The following PEMT variants were observed in gnomAD, a reference collection of about 807,000 sequenced individuals.
PEMT encodes the protein phospholipid methyltransferase.
In PEMT, 23 loss-of-function variants were observed where a neutral mutation model predicts 27.4. The observed-to-expected ratio is 0.84, with a 90% confidence interval of 0.60 to 1.19. PEMT has a LOEUF of 1.19. Ranked by LOEUF, PEMT falls within the 50% of genes most tolerant of loss-of-function variation. The probability of loss-of-function intolerance (pLI) is 0.00; values close to 1 mark genes in which losing one functional copy is unlikely to be tolerated. For synonymous variants in PEMT, 137 were observed against 139.1 expected (o/e 0.98, Z 0.11); for missense variants, 307 against 310.1 (o/e 0.99, Z 0.07).
upstream of PEMT, chr17:17,591,988 G>A (rs1215139312): frequency 1.0e-6 from 1 of 985,350 alleles, no homozygotes; most frequent in East Asian, 1.1e-4. Flanking sequence ...GCCCTTGCCT[G>A]GCGGCGGTGG....
At chr17:17,528,465 G>T (rs1907854119) in intron 2 of PEMT, among the ~76,000 whole-genome samples, 1 of 152,356 alleles carries the variant, frequency 6.6e-6, no homozygotes, top group African/African-American at 2.4e-5. Flanking sequence ...TGGAATGATG[G>T]ATACATCAGC....
intron 2 of PEMT, among the ~76,000 whole-genome samples, chr17:17,529,912 T>C (rs1262008344): frequency 6.6e-6 from 1 of 152,206 alleles, no homozygotes; most frequent in South Asian, 2.1e-4. Flanking sequence ...GAAGGGCTCC[T>C]TGTAGAAAGG....
intron 2 of PEMT, among the ~76,000 whole-genome samples, chr17:17,549,852 G>A (rs751916026): frequency 3.9e-5 from 6 of 152,184 alleles, no homozygotes; most frequent in Non-Finnish European, 8.8e-5. Flanking sequence ...CGGGAGGCAC[G>A]TCCTCGTCTG....
intron 2 of PEMT, among the ~76,000 whole-genome samples, chr17:17,568,074 C>T (rs1567735294): frequency 6.6e-6 from 1 of 152,096 alleles, no homozygotes; most frequent in East Asian, 1.9e-4. Context: ...CACACACACA[C>T]ATGCCACCAT....
At chr17:17,514,396 G>A (rs983751864) in intron 3 of PEMT, among the ~76,000 whole-genome samples, 26 of 152,206 alleles carry the variant, frequency 1.7e-4, no homozygotes, top group Admixed American at 1.4e-3. Context: ...AGCAGTAGCC[G>A]CTCCTTCCTT....
At chr17:17,548,007 A>G (rs1359663288) in intron 2 of PEMT, among the ~76,000 whole-genome samples, 1 of 152,190 alleles carries the variant, frequency 6.6e-6, no homozygotes, top group Non-Finnish European at 1.5e-5. Context: ...GGCCACCCCA[A>G]AGAAATCTGA....
chr17:17,564,650 C>T (rs1910704630), intron 2 of PEMT, among the ~76,000 whole-genome samples: 1 of 152,194 alleles, frequency 6.6e-6, no homozygotes, highest in Non-Finnish European at 1.5e-5. Flanking sequence ...CCATGAGCAG[C>T]CCGCTCCATC....
At chr17:17,514,987 C>T (rs775463541) in intron 3 of PEMT, among the ~76,000 whole-genome samples, 9 of 152,212 alleles carry the variant, frequency 5.9e-5, no homozygotes, top group Non-Finnish European at 1.3e-4. Context: ...AAGGTGCAGG[C>T]CTCGGCCCGG....
Position 17,561,169 on chromosome 17 carries a change from A to G in PEMT, c.204+15751T>C, listed in dbSNP as rs1910446060. Among the ~76,000 whole-genome samples the G allele has an allele frequency of 6.6e-6, 1 of 152,166 alleles. No individual in the cohort carries two copies. The highest frequency in any genetic ancestry group is 2.1e-4 in the South Asian group (1 of 4,826). ...CACTGGGCACCGTGGGGCAGGGCCC[A>G]GAGGACAACAGCCACTCCCAGCTCA... is the stretch of plus-strand genomic sequence containing the variant. On this transcript the variant is annotated intron_variant, in intron 2 of 6. Transcript: ENST00000255389. This position sits in a 1 kb window ranked among gnomAD's most constrained non-coding sequence, Gnocchi z 4.5.
At chr17:17,588,110 C>G (rs148890658) in intron 1 of PEMT, among the ~76,000 whole-genome samples, 1 of 152,288 alleles carries the variant, frequency 6.6e-6, no homozygotes, top group African/African-American at 2.4e-5. Context: ...GCAGGGGAAA[C>G]AAGCTCCAAG....
At chr17:17,591,484 T>C (rs752891768) in intron 1 of PEMT, 47 bp downstream of exon 1, 19 of 1,495,370 alleles carry the variant, frequency 1.3e-5, no homozygotes, top group Admixed American at 1.8e-5. Flanking sequence ...CCTCGGGCCT[T>C]GCAGATCCCT....
intron 2 of PEMT, among the ~76,000 whole-genome samples, chr17:17,562,106 C>T (rs1910525005): frequency 6.6e-6 from 1 of 152,238 alleles, no homozygotes; most frequent in South Asian, 2.1e-4. Flanking sequence ...CACTTTCCTG[C>T]CATGATGCAT....
chr17:17,526,718 G>A (rs1217193241), intron 2 of PEMT, among the ~76,000 whole-genome samples: 3 of 152,240 alleles, frequency 2.0e-5, no homozygotes, highest in Non-Finnish European at 4.4e-5. Context: ...CCTTTCCAGG[G>A]TGCTATTCTT....
Position 17,577,568 on chromosome 17 carries a change from G to A in PEMT, c.97-541C>T, listed in dbSNP as rs574299340. Reference sequence around the variant, plus strand: ...CATCCCGGCCACGCCACCCGCATACGGGGGGCACGTGGACACTGCCCCCGC... The same window carrying A: ...CATCCCGGCCACGCCACCCGCATACAGGGGGCACGTGGACACTGCCCCCGC... On this transcript the variant is annotated intron_variant, in intron 1 of 6. Coordinates refer to ENST00000255389, the MANE Select transcript of PEMT (RefSeq NM_148172.3). 6.9e-4 allele frequency: 679 copies of A among 983,122 alleles called. 2 individuals are homozygous for A. The highest frequency in any genetic ancestry group is 7.6e-4 in the Non-Finnish European group (632 of 826,548). 60.9% of individuals were successfully genotyped at this position (983,122 alleles called of 1,614,324 possible).
chr17:17,541,122 T>G (rs988879581), intron 2 of PEMT, among the ~76,000 whole-genome samples: 1 of 152,174 alleles, frequency 6.6e-6, no homozygotes, highest in Admixed American at 6.5e-5. Flanking sequence ...ACAGACAGGA[T>G]TGTTGCTGAC....
intron 1 of PEMT, among the ~76,000 whole-genome samples, chr17:17,588,685 C>T (rs1245286066): frequency 1.3e-5 from 2 of 152,168 alleles, no homozygotes; most frequent in African/African-American, 4.8e-5. Flanking sequence ...CTCTGAGGAC[C>T]TCAGTGTGCT....
intron 2 of PEMT, among the ~76,000 whole-genome samples, chr17:17,535,543 C>T (rs550004672): frequency 1.4e-5 from 2 of 147,492 alleles, no homozygotes; most frequent in South Asian, 2.1e-4. Flanking sequence ...CCAGCCTGGG[C>T]GACAGACTGA....
intron 3 of PEMT, chr17:17,518,117 CA>C (rs887825548): frequency 1.5e-4 from 149 of 985,406 alleles, no homozygotes; most frequent in Admixed American, 8.0e-4. Flanking sequence ...AGACTCCAGG[CA>C]ATTCCGATGT....
chr17:17,539,259 C>T (rs1432522887), intron 2 of PEMT, among the ~76,000 whole-genome samples: 1 of 152,126 alleles, frequency 6.6e-6, no homozygotes, highest in African/African-American at 2.4e-5. Flanking sequence ...GGGGTTACAG[C>T]TGTAAGCCAC....
Sources: allele counts gnomAD v4.1 joint callset (sites outside exome capture counted in the v4.1 genomes callset), GRCh38; gene constraint gnomAD v4.1.1; non-coding constraint Gnocchi (gnomAD v3.1); transcripts MANE v1.5; gene names NCBI Gene and HGNC (gene_info 2026-07-23, HGNC 2026-07-21).